Variants in DPYD observed in about 807,000 individuals in gnomAD.
The protein encoded by DPYD is dihydropyrimidine dehydrogenase [NADP(+)].
In DPYD, 109 loss-of-function variants were observed where a neutral mutation model predicts 116.2. That is an observed-to-expected ratio of 0.94 (90% CI 0.80 to 1.10). The LOEUF is 1.10. DPYD is among the 50% of genes least tolerant of loss of function. The probability of loss-of-function intolerance (pLI) is 0.00; values close to 1 mark genes in which losing one functional copy is unlikely to be tolerated. For missense variants in DPYD, 1,302 were observed against 1,254.5 expected (o/e 1.04, Z -0.57); for synonymous variants, 440 against 432.0 (o/e 1.02, Z -0.23).
At chr1:97,762,528 C>T (rs1665633965) in intron 3 of DPYD, among the ~76,000 whole-genome samples, 1 of 152,044 alleles carries the variant, frequency 6.6e-6, no homozygotes. Flanking sequence ...CCCTGCTTTT[C>T]TCTGTAACTC....
chr1:97,305,363 A>C lies in DPYD; in HGVS notation c.2195T>G (p.Val732Gly), dbSNP rs60511679. ...ACCTGAGACAGTGTTGGTGGCTGTA[A>C]CGCCATTGGCACCACCTATGCAAGA... is the stretch of plus-strand genomic sequence containing the variant. ...RAAKEGGANGVTATNTVSGLM... is the reference protein window; with the variant it reads ...RAAKEGGANGGTATNTVSGLM... The change falls in exon 18 of 23, where the codon GTT (valine) becomes GGT (glycine). Residue 732 changes from valine (V) to glycine (G), a missense_variant. Physicochemically the swap from Val to Gly is moderately radical, Grantham distance 109. Coordinates refer to ENST00000370192, the MANE Select transcript of DPYD (RefSeq NM_000110.4). The C allele has an allele frequency of 1.0e-4, 163 of 1,612,384 alleles. No homozygotes were observed. In the African/African-American group the frequency reaches 1.9e-3, roughly 19 times the overall value.
intron 8 of DPYD, among the ~76,000 whole-genome samples, chr1:97,668,497 A>G (rs531080317): frequency 6.8e-4 from 103 of 152,254 alleles, no homozygotes; most frequent in African/African-American, 2.3e-3. Context: ...TTATTTTTAA[A>G]ATGCATTAAT....
chr1:97,220,803 A>T (rs1660725084), intron 19 of DPYD, among the ~76,000 whole-genome samples: 1 of 152,158 alleles, frequency 6.6e-6, no homozygotes, highest in Non-Finnish European at 1.5e-5. Flanking sequence ...TTTTGTACCC[A>T]AGAATAGAAC....
intron 4 of DPYD, among the ~76,000 whole-genome samples, chr1:97,735,685 CATAAAT>C (rs1663893804): frequency 7.5e-6 from 1 of 133,820 alleles, no homozygotes; most frequent in Non-Finnish European, 1.6e-5. Context: ...AAGACTCTGT[CATAAAT>C]AAATAAATAA....
rs563873491 is a variant in DPYD at position 97,354,719 on chromosome 1, C to T, written c.2058+18842G>A. Among the ~76,000 whole-genome samples the T allele has an allele frequency of 8.5e-5, 13 of 152,302 alleles. No individual in the cohort carries two copies. The East Asian group carries it at 2.1e-3, about 25-fold the overall frequency. On this transcript the variant is annotated intron_variant, in intron 16 of 22. Transcript: ENST00000370192. ...TACTTTCCTGGGTCATACTCAAGAACAATCCTTCTCAGGATCTTCTCACTG... is the reference window on the plus strand; with the variant it reads ...TACTTTCCTGGGTCATACTCAAGAATAATCCTTCTCAGGATCTTCTCACTG...
At chr1:97,784,263 TC>T (rs1310234312) in intron 3 of DPYD, among the ~76,000 whole-genome samples, 2 of 11,154 alleles carry the variant, frequency 1.8e-4, no homozygotes, top group East Asian at 5.6e-3. Flanking sequence ...GCCATGCTTT[TC>T]CTTTTTTTAA....
chr1:97,597,965 TA>T (rs1044378033), intron 8 of DPYD, among the ~76,000 whole-genome samples: 6 of 152,036 alleles, frequency 3.9e-5, no homozygotes, highest in African/African-American at 1.4e-4. Context: ...TTAAAAATGT[TA>T]AAAAAATTAC....
At chr1:97,444,539 G>A (rs1192668497) in intron 14 of DPYD, among the ~76,000 whole-genome samples, 2 of 152,156 alleles carry the variant, frequency 1.3e-5, no homozygotes, top group African/African-American at 2.4e-5. Context: ...AACACTGGCT[G>A]TGTATGTAGT....
At chr1:97,231,224 T>C (rs1661569845) in intron 19 of DPYD, among the ~76,000 whole-genome samples, 1 of 152,182 alleles carries the variant, frequency 6.6e-6, no homozygotes, top group Admixed American at 6.6e-5. Flanking sequence ...ACTTGCGTAT[T>C]ACTAATATTC....
At chr1:97,123,731 T>G (rs567206606) in intron 20 of DPYD, among the ~76,000 whole-genome samples, 1 of 152,316 alleles carries the variant, frequency 6.6e-6, no homozygotes, top group African/African-American at 2.4e-5. Flanking sequence ...TCATTTATCT[T>G]TCCCAAATTT....
Position 97,853,868 on chromosome 1 carries a change from A to T in DPYD, c.151-25672T>A, listed in dbSNP as rs79132949. Among the ~76,000 whole-genome samples the T allele has an allele frequency of 5.7e-4, 87 of 152,302 alleles. 2 individuals carry two copies. The East Asian group carries it at 0.015, about 26-fold the overall frequency. ...ACAATTAAAAGAAAATGTTATAATA[A>T]ACCAGTCCATGTGGAGGCAAATCTG... On this transcript the variant is annotated intron_variant, in intron 2 of 22. Coordinates refer to ENST00000370192, the MANE Select transcript of DPYD (RefSeq NM_000110.4).
At chr1:97,204,700 T>C (rs1659472400) in intron 19 of DPYD, among the ~76,000 whole-genome samples, 1 of 152,180 alleles carries the variant, frequency 6.6e-6, no homozygotes, top group African/African-American at 2.4e-5. Context: ...AGGGTTTTTT[T>C]CATTCCTGTC....
intron 8 of DPYD, among the ~76,000 whole-genome samples, chr1:97,656,915 G>C (rs1658941516): frequency 6.7e-6 from 1 of 148,598 alleles, no homozygotes; most frequent in African/African-American, 2.5e-5. Context: ...GAATGAACTT[G>C]GGCTTGATTC....
chr1:97,529,434 T>A (rs756338021), intron 12 of DPYD, among the ~76,000 whole-genome samples: 1 of 152,214 alleles, frequency 6.6e-6, no homozygotes, highest in African/African-American at 2.4e-5. Context: ...TGTTTTGTTA[T>A]TTAAATATTA....
intron 8 of DPYD, among the ~76,000 whole-genome samples, chr1:97,673,946 A>G (rs1452697000): frequency 6.6e-6 from 1 of 152,244 alleles, no homozygotes; most frequent in Non-Finnish European, 1.5e-5. Flanking sequence ...GCTGAATCAC[A>G]TAATTTAATA....
chr1:97,521,228 G>T (rs960895153), intron 12 of DPYD, among the ~76,000 whole-genome samples: 33 of 152,168 alleles, frequency 2.2e-4, no homozygotes, highest in Middle Eastern at 3.2e-3. Context: ...AATGACCAGT[G>T]ATGATGACCT....
intron 1 of DPYD, among the ~76,000 whole-genome samples, chr1:97,908,204 C>T (rs1164468079): frequency 1.3e-5 from 2 of 151,914 alleles, no homozygotes; most frequent in Non-Finnish European, 2.9e-5. Flanking sequence ...CACCAGCACA[C>T]CAATCTAATT....
At chr1:97,199,207 TAGTC>T (rs1659029292) in intron 19 of DPYD, among the ~76,000 whole-genome samples, 1 of 152,148 alleles carries the variant, frequency 6.6e-6, no homozygotes, top group African/African-American at 2.4e-5. Context: ...AAAGCTGACT[TAGTC>T]AGGAGAGGGA....
chr1:97,761,568 T>G (rs1446442174), intron 3 of DPYD, among the ~76,000 whole-genome samples: 1 of 152,124 alleles, frequency 6.6e-6, no homozygotes, highest in African/African-American at 2.4e-5. Context: ...TCTTACACAC[T>G]GTTGCTGGGA....
Sources: allele counts gnomAD v4.1 joint callset (sites outside exome capture counted in the v4.1 genomes callset), GRCh38; gene constraint gnomAD v4.1.1; transcripts MANE v1.5; gene names NCBI Gene and HGNC (gene_info 2026-07-23, HGNC 2026-07-21).